Variants in GPM6A observed in about 807,000 individuals in gnomAD.
The protein encoded by GPM6A is glycoprotein M6A.
A neutral mutation model predicts 32.1 loss-of-function variants in GPM6A; 7 were observed. That is an observed-to-expected ratio of 0.22 (90% CI 0.12 to 0.41). The LOEUF is 0.41. GPM6A is among the 10% of genes least tolerant of loss of function. The pLI, the probability that GPM6A is intolerant of heterozygous loss-of-function variation, is 1.00. For missense variants in GPM6A, 235 were observed against 347.2 expected (o/e 0.68, Z 2.57); for synonymous variants, 130 against 123.4 (o/e 1.05, Z -0.35).
At chr4:175,653,244 G>A (rs1177225462) in intron 3 of GPM6A, among the ~76,000 whole-genome samples, 1 of 152,088 alleles carries the variant, frequency 6.6e-6, no homozygotes, top group Non-Finnish European at 1.5e-5. Flanking sequence ...TTGGGATTAA[G>A]GATAGCAAGG....
intron 1 of GPM6A, among the ~76,000 whole-genome samples, chr4:175,769,096 A>T (rs1733089607): frequency 6.6e-6 from 1 of 152,098 alleles, no homozygotes; most frequent in African/African-American, 2.4e-5. Flanking sequence ...CTCTGTCTCT[A>T]AATAAATAAA....
intron 1 of GPM6A, among the ~76,000 whole-genome samples, chr4:175,957,244 C>T (rs1740016160): frequency 6.6e-6 from 1 of 152,094 alleles, no homozygotes; most frequent in Non-Finnish European, 1.5e-5. Flanking sequence ...TCTTCTCCAC[C>T]CACACCACTT....
At chr4:175,840,279 G>C (rs1735894735) in intron 1 of GPM6A, among the ~76,000 whole-genome samples, 1 of 152,166 alleles carries the variant, frequency 6.6e-6, no homozygotes, top group Non-Finnish European at 1.5e-5. Flanking sequence ...GAAAAAAGGG[G>C]AAATGTCTAT....
intron 1 of GPM6A, among the ~76,000 whole-genome samples, chr4:175,983,024 A>G (rs1740864173): frequency 6.6e-6 from 1 of 152,174 alleles, no homozygotes; most frequent in South Asian, 2.1e-4. Flanking sequence ...CATAGAACAT[A>G]ACGCAATTTT....
chr4:175,886,848 T>C (rs894588566), intron 1 of GPM6A, among the ~76,000 whole-genome samples: 2 of 151,908 alleles, frequency 1.3e-5, no homozygotes, highest in Admixed American at 6.6e-5. Context: ...AATTGAATTT[T>C]GGAAATCTGT....
At position 175,701,749 on chromosome 4, in the gene GPM6A, A is replaced by T; in HGVS notation, c.56T>A (p.Ile19Asn). 6.2e-7 allele frequency: 1 copy of T among 1,611,504 alleles called. No homozygotes were observed. Among genetic ancestry groups the T allele is most frequent in the Non-Finnish European group, 8.5e-7 (1 of 1,178,018 alleles). Residue 19 changes from isoleucine (I) to asparagine (N), a missense_variant, in exon 2 of 7, where the codon ATC (isoleucine) becomes AAC (asparagine). Around this residue, in one of 3 missense-constraint regions of GPM6A, gnomAD observed 101 missense variants for 171.2 expected, o/e 0.59. Coordinates refer to ENST00000393658, the MANE Select transcript of GPM6A (RefSeq NM_201591.3). The part of the protein sequence containing the change: ...QTQKGCFECC[I>N]KCLGGIPYAS... ...ATAGGGAATGCCCCCCAGGCATTTGATACAGCATTCAAAACACCCTGTAGA... is the reference window on the plus strand; with the variant it reads ...ATAGGGAATGCCCCCCAGGCATTTGTTACAGCATTCAAAACACCCTGTAGA...
intron 1 of GPM6A, among the ~76,000 whole-genome samples, chr4:175,949,870 A>G (rs950743830): frequency 5.9e-5 from 9 of 152,228 alleles, no homozygotes; most frequent in African/African-American, 2.2e-4. Flanking sequence ...TGTTTGGATG[A>G]CAATTCATGA....
chr4:175,813,254 T>C (rs1734999178), upstream of GPM6A: 1 of 174,186 alleles, frequency 5.7e-6, no homozygotes, highest in Non-Finnish European at 1.1e-5. Flanking sequence ...AAATTTTAGA[T>C]AAGAAACAAG....
intron 1 of GPM6A, among the ~76,000 whole-genome samples, chr4:175,818,837 A>C (rs934438077): frequency 3.9e-5 from 6 of 152,188 alleles, no homozygotes; most frequent in African/African-American, 1.4e-4. Context: ...CCAGCAAAAC[A>C]AAAAGGGAGC....
At chr4:175,650,286 ATTTATTTATTTATTTATTTAT>A (rs1241031916) in intron 4 of GPM6A, among the ~76,000 whole-genome samples, 5 of 65,732 alleles carry the variant, frequency 7.6e-5, no homozygotes, top group East Asian at 9.7e-4. Flanking sequence ...TTATTTATTT[ATTTATTTATTTATTTATTTAT>A]TTATTTATTT....
chr4:175,923,969 A>T (rs1205145416), intron 1 of GPM6A, among the ~76,000 whole-genome samples: 1 of 152,192 alleles, frequency 6.6e-6, no homozygotes, highest in Non-Finnish European at 1.5e-5. Context: ...TTTGCCTGGG[A>T]TCATCTAGGT....
rs1194927923 is a variant in GPM6A at position 175,746,517 on chromosome 4, C to CA, written c.38-44751dup. 4.6e-5 allele frequency among the ~76,000 whole-genome samples: 7 copies of CA among 152,024 alleles called. No homozygotes were observed. In the East Asian group the frequency reaches 5.8e-4, roughly 13 times the overall value. On this transcript the variant is annotated intron_variant, in intron 1 of 6. Coordinates refer to ENST00000393658, the MANE Select transcript of GPM6A (RefSeq NM_201591.3). ...TAAATTTAAAGATCAAAATCTGCAG[C>CA]AAAAAATGGCATTTGGAATTCTTAT... is the stretch of plus-strand genomic sequence containing the variant.
At chr4:175,968,125 C>T (rs991701640) in intron 1 of GPM6A, among the ~76,000 whole-genome samples, 23 of 151,398 alleles carry the variant, frequency 1.5e-4, no homozygotes, top group African/African-American at 4.6e-4. Context: ...TACACAAACA[C>T]AGTCAATTGA....
At chr4:175,810,753 T>A (rs1240154007) in intron 1 of GPM6A, among the ~76,000 whole-genome samples, 2 of 152,202 alleles carry the variant, frequency 1.3e-5, no homozygotes, top group Admixed American at 6.5e-5. Context: ...GATGTTGTCA[T>A]AAGGTAATTT....
chr4:175,746,207 TA>T (rs1284219213), intron 1 of GPM6A, among the ~76,000 whole-genome samples: 1 of 151,996 alleles, frequency 6.6e-6, no homozygotes, highest in Non-Finnish European at 1.5e-5. Flanking sequence ...TCTAGATTGC[TA>T]AAAGGGAGAG....
chr4:175,948,824 C>T (rs76267892), intron 1 of GPM6A, among the ~76,000 whole-genome samples: 9,007 of 151,878 alleles, frequency 0.059, 857 homozygotes, highest in African/African-American at 0.2. Flanking sequence ...TTAATACTAA[C>T]TTACTATCAA....
chr4:175,720,126 A>G (rs560635908), intron 1 of GPM6A, among the ~76,000 whole-genome samples: 1 of 152,192 alleles, frequency 6.6e-6, no homozygotes, highest in Non-Finnish European at 1.5e-5. Flanking sequence ...TCTTTTGATC[A>G]TATCTCATAT....
intron 1 of GPM6A, among the ~76,000 whole-genome samples, chr4:175,881,353 A>G (rs1737269331): frequency 1.3e-5 from 2 of 152,166 alleles, no homozygotes; most frequent in Admixed American, 6.5e-5. Flanking sequence ...AACAGGTGCT[A>G]GAGAGGATGT....
chr4:175,717,089 G>A (rs368760315), intron 1 of GPM6A, among the ~76,000 whole-genome samples: 93 of 152,064 alleles, frequency 6.1e-4, no homozygotes, highest in African/African-American at 2.2e-3. Flanking sequence ...TCTACTCTAG[G>A]ATGCTGTGTG....
Sources: allele counts gnomAD v4.1 joint callset (sites outside exome capture counted in the v4.1 genomes callset), GRCh38; gene constraint gnomAD v4.1.1; regional missense constraint gnomAD v4.1.1; transcripts MANE v1.5; gene names NCBI Gene and HGNC (gene_info 2026-07-23, HGNC 2026-07-21).